The following RMST variants were observed in gnomAD, a reference collection of about 807,000 sequenced individuals.
The protein encoded by RMST is rhabdomyosarcoma 2 associated transcript, also known as long intergenic non-protein coding RNA 54.
intron 10 of RMST, among the ~76,000 whole-genome samples, chr12:97,514,039 T>C (rs1454880255): frequency 6.6e-6 from 1 of 152,150 alleles, no homozygotes; most frequent in East Asian, 1.9e-4. Flanking sequence ...GGGTTATTCT[T>C]AAATAAGAGG....
chr12:97,502,578 A>C (rs895687759), intron 10 of RMST, among the ~76,000 whole-genome samples: 3 of 152,156 alleles, frequency 2.0e-5, no homozygotes, highest in African/African-American at 7.2e-5. Flanking sequence ...CTCCCACCTC[A>C]GCCTCCCGAG....
rs180838454 is a variant in RMST at position 97,518,199 on chromosome 12, A to C, written n.1341-12456A>C. Among the ~76,000 whole-genome samples the C allele has an allele frequency of 9.8e-5, 15 of 152,308 alleles. No homozygotes were observed. The East Asian group carries it at 2.3e-3, about 24-fold the overall frequency. On this transcript the variant is annotated intron_variant and non_coding_transcript_variant, in intron 10 of 13. Coordinates refer to ENST00000640149, the Ensembl canonical transcript of RMST. ...TATTGAAATTAGTTCAATTTAAGTC[A>C]TTCTTAAAAAATAAATTGGAATACT...
chr12:97,553,949 C>CTTTTTTTT (rs756008010), intron 11 of RMST, among the ~76,000 whole-genome samples: 13 of 120,268 alleles, frequency 1.1e-4, no homozygotes, highest in East Asian at 4.6e-4. Flanking sequence ...TTTTCTTTCT[C>CTTTTTTTT]TTTTTTTTTT....
At chr12:97,473,384 G>A (rs1375360497) in intron 5 of RMST, among the ~76,000 whole-genome samples, 5 of 151,966 alleles carry the variant, frequency 3.3e-5, no homozygotes, top group Non-Finnish European at 5.9e-5. Flanking sequence ...TGTGTGTTTC[G>A]AAGGCTGGGG....
chr12:97,502,114 G>T (rs1182165485), intron 10 of RMST, among the ~76,000 whole-genome samples: 1 of 152,138 alleles, frequency 6.6e-6, no homozygotes, highest in African/African-American at 2.4e-5. Context: ...GCAATCAGTG[G>T]AGGTAAAAAT....
At chr12:97,521,971 G>A (rs746004888) in intron 10 of RMST, among the ~76,000 whole-genome samples, 1 of 152,132 alleles carries the variant, frequency 6.6e-6, no homozygotes, top group African/African-American at 2.4e-5. Flanking sequence ...ATACTTGATT[G>A]CTGTGTTTCT....
intron 5 of RMST, among the ~76,000 whole-genome samples, chr12:97,478,107 T>C (rs149283434): frequency 6.6e-6 from 1 of 152,362 alleles, no homozygotes; most frequent in East Asian, 1.9e-4. Context: ...AATTCTGCTT[T>C]GATTTGTCAT....
chr12:97,559,283 A>G (rs1271878404), intron 11 of RMST, among the ~76,000 whole-genome samples: 1 of 152,174 alleles, frequency 6.6e-6, no homozygotes, highest in Non-Finnish European at 1.5e-5. Context: ...TTCTGAAACT[A>G]TCTGCCACGC....
intron 10 of RMST, among the ~76,000 whole-genome samples, chr12:97,505,353 C>T (rs571424924): frequency 1.3e-5 from 2 of 152,286 alleles, no homozygotes; most frequent in South Asian, 2.1e-4. Flanking sequence ...TGGGTTTTGA[C>T]AAAACTTTAA....
chr12:97,498,570 A>G (rs1877724043), intron 10 of RMST, among the ~76,000 whole-genome samples: 1 of 150,450 alleles, frequency 6.6e-6, no homozygotes, highest in African/African-American at 2.5e-5. Flanking sequence ...TATCTTCTAT[A>G]TACAATTTTT....
intron 11 of RMST, among the ~76,000 whole-genome samples, chr12:97,553,410 G>A (rs1394039377): frequency 1.3e-5 from 2 of 152,154 alleles, no homozygotes; most frequent in African/African-American, 4.8e-5. Context: ...CAGAATTTGT[G>A]TGGTGCTGTT....
intron 5 of RMST, among the ~76,000 whole-genome samples, chr12:97,488,310 G>A (rs1876356829): frequency 6.6e-6 from 1 of 152,170 alleles, no homozygotes; most frequent in Non-Finnish European, 1.5e-5. Flanking sequence ...CCTGGGAGGT[G>A]GAGGTTGCAG....
At chr12:97,550,039 T>G (rs1484325351) in intron 11 of RMST, among the ~76,000 whole-genome samples, 1 of 152,192 alleles carries the variant, frequency 6.6e-6, no homozygotes, top group Non-Finnish European at 1.5e-5. Context: ...AATCAAAAGT[T>G]TAAAGTTAAA....
intron 11 of RMST, among the ~76,000 whole-genome samples, chr12:97,547,732 A>C (rs1357757255): frequency 6.6e-6 from 1 of 152,076 alleles, no homozygotes; most frequent in African/African-American, 2.4e-5. Context: ...TCAATTTTAA[A>C]TCAGATTATT....
chr12:97,525,716 A>G (rs1442131583), intron 10 of RMST, among the ~76,000 whole-genome samples: 1 of 152,198 alleles, frequency 6.6e-6, no homozygotes. Context: ...CTTGTTAAAC[A>G]AAAGGGTAAT....
chr12:97,469,180 GTATGTGTGTA>G (rs1165574420), intron 5 of RMST, among the ~76,000 whole-genome samples: 3 of 117,312 alleles, frequency 2.6e-5, no homozygotes, highest in African/African-American at 9.6e-5. Flanking sequence ...GTGTGTGTGT[GTATGTGTGTA>G]TATATATACA....
chr12:97,480,089 C>CTTTTTTTTTTTTTTTTTTTTTTT (rs369247317), intron 5 of RMST, among the ~76,000 whole-genome samples: 1 of 90,966 alleles, frequency 1.1e-5, no homozygotes, highest in African/African-American at 3.8e-5. Context: ...TTTCTTTTTT[C>CTTTTTTTTTTTTTTTTTTTTTTT]TTTTTTTTTC....
intron 10 of RMST, among the ~76,000 whole-genome samples, chr12:97,500,633 A>G (rs1386839971): frequency 6.6e-6 from 1 of 152,118 alleles, no homozygotes; most frequent in African/African-American, 2.4e-5. Flanking sequence ...GCCAATATTA[A>G]CTGGATTTTC....
chr12:97,535,315 G>A (rs557946357), intron 11 of RMST, among the ~76,000 whole-genome samples: 5 of 151,674 alleles, frequency 3.3e-5, no homozygotes, highest in South Asian at 4.1e-4. Context: ...TACAATTTAC[G>A]CTATTCGTAT....
Sources: gnomAD v4.1 joint callset for allele counts (sites outside exome capture counted in the v4.1 genomes callset) on GRCh38, gnomAD v4.1.1 for gene constraint, MANE v1.5 for transcripts, NCBI Gene and HGNC (gene_info 2026-07-23, HGNC 2026-07-21) for gene names.